The following GNL2 variants were observed in gnomAD, a reference collection of about 807,000 sequenced individuals.
GNL2 encodes G protein nucleolar 2.
A neutral mutation model predicts 92.3 loss-of-function variants in GNL2; 51 were observed. That is an observed-to-expected ratio of 0.55 (90% CI 0.44 to 0.70). The LOEUF (loss-of-function observed/expected upper bound fraction) is 0.70. GNL2 is among the 30% of genes least tolerant of loss of function. GNL2 has a pLI of 0.00. For synonymous variants in GNL2, 283 were observed against 300.6 expected (o/e 0.94, Z 0.61); for missense variants, 844 against 895.6 (o/e 0.94, Z 0.74).
chr1:37,580,168 C>T (rs2148135526), intron 8 of GNL2, among the ~76,000 whole-genome samples: 1 of 152,252 alleles, frequency 6.6e-6, no homozygotes, highest in South Asian at 2.1e-4. Flanking sequence ...GTGGCACACA[C>T]CTGTAATCCC....
At chr1:37,569,837 G>T in intron 12 of GNL2, 1 of 152,974 alleles carries the variant, frequency 6.5e-6, no homozygotes, top group Non-Finnish European at 1.5e-5. Context: ...GGAAGGACCG[G>T]GTGGGAGGTA....
At chr1:37,579,077 G>A (rs1025620099) in intron 8 of GNL2, among the ~76,000 whole-genome samples, 3 of 152,134 alleles carry the variant, frequency 2.0e-5, no homozygotes, top group African/African-American at 7.2e-5. Flanking sequence ...CAAAAATTTG[G>A]AGGTAACAGA....
In GNL2 at chr1:37,587,431, C is replaced by G. The variant is rs1276750725; in HGVS notation, c.449G>C (p.Arg150Thr). 6.2e-7 allele frequency: 1 copy of G among 1,613,382 alleles called. No homozygotes were observed. Among genetic ancestry groups the G allele is most frequent in the South Asian group, 1.1e-5 (1 of 91,022 alleles). Residue 150 changes from arginine to threonine, a missense_variant, in exon 5 of 16, where the codon AGG becomes ACG. Physicochemically the swap from Arg to Thr is moderately conservative, Grantham distance 71. Transcript: ENST00000373062. ...ACTTGCAAATAAGTTTGGTCGTTTC[C>G]TCTGTGACTTAGGGCCAAATGTAGT... ...FETTFGPKSQRKRPNLFASDM... is the reference protein window; with the variant it reads ...FETTFGPKSQTKRPNLFASDM...
chr1:37,573,880 T>C (rs1019510548), intron 12 of GNL2, among the ~76,000 whole-genome samples: 2 of 152,144 alleles, frequency 1.3e-5, no homozygotes, highest in Admixed American at 6.5e-5. Context: ...CCAACAGTGC[T>C]TCACCCTCAA....
rs747961592 is a variant in GNL2 at position 37,582,243 on chromosome 1, G to A, written c.889C>T (p.Leu297Phe). 6.2e-7 allele frequency: 1 copy of A among 1,611,422 alleles called. No individual in the cohort carries two copies. Among genetic ancestry groups the A allele is most frequent in the Non-Finnish European group, 8.5e-7 (1 of 1,178,294 alleles). ...AATACCTTTCCAAACTGCCGCAGAA[G>A]CTGAATGAATGCTCCCTTGCCAAAC... ...NPFGKGAFIQLLRQFGKLHTD... is the reference protein window; with the variant it reads ...NPFGKGAFIQFLRQFGKLHTD... Residue 297 changes from leucine (L) to phenylalanine (F), a missense_variant, in exon 8 of 16, where the codon CTT becomes TTT. Coordinates refer to ENST00000373062, the MANE Select transcript of GNL2 (RefSeq NM_013285.3).
chr1:37,574,201 T>C (rs1643639353), intron 12 of GNL2, 142 bp downstream of exon 12: 1 of 446,038 alleles, frequency 2.2e-6, no homozygotes, highest in Admixed American at 3.8e-5. Flanking sequence ...CCCAAAAATA[T>C]TTTTATATAT....
At position 37,587,926 on chromosome 1, in the gene GNL2, T is replaced by C. The variant is rs548280631; in HGVS notation, c.385-431A>G. ...AATTCATAGATTTTGTCAAGGACAA[T>C]CATACTCAAATTTGTGAGTTTTTTT... is the stretch of plus-strand genomic sequence containing the variant. On this transcript the variant is annotated intron_variant, in intron 4 of 15. Transcript: ENST00000373062. Among the ~76,000 whole-genome samples, 26 of 152,296 alleles carry C rather than the reference T, an allele frequency of 1.7e-4. No individual in the cohort carries two copies. In the South Asian group the frequency reaches 3.3e-3, roughly 19 times the overall value.
chr1:37,571,393 C>T (rs142917747), intron 12 of GNL2, among the ~76,000 whole-genome samples: 21 of 152,298 alleles, frequency 1.4e-4, no homozygotes, highest in African/African-American at 5.1e-4. Flanking sequence ...AGATCTCTGA[C>T]ATTAGAATCA....
intron 7 of GNL2, 95 bp from the exon 8 acceptor site, chr1:37,582,431 T>C (rs1643785517): frequency 1.4e-6 from 1 of 706,868 alleles, no homozygotes; most frequent in African/African-American, 1.8e-5. Flanking sequence ...CTGTTTCAAA[T>C]ATACTGTTGT....
intron 12 of GNL2, among the ~76,000 whole-genome samples, chr1:37,573,491 C>A (rs1012740987): frequency 6.6e-6 from 1 of 152,234 alleles, no homozygotes; most frequent in Non-Finnish European, 1.5e-5. Flanking sequence ...CTGGCCCCAG[C>A]CTTCAGTCTT....
At chr1:37,581,669 C>G (rs1271478989) in intron 8 of GNL2, 4 of 362,890 alleles carry the variant, frequency 1.1e-5, no homozygotes, top group Non-Finnish European at 2.2e-5. Context: ...GTTTTTACAT[C>G]TTCTTCTTCT....
intron 6 of GNL2, 100 bp downstream of exon 6, chr1:37,583,767 C>T (rs1643808741): frequency 6.6e-6 from 5 of 761,902 alleles, no homozygotes; most frequent in South Asian, 3.0e-5. Flanking sequence ...GGTGCCTGTA[C>T]TCTGCGCAAC....
chr1:37,582,206 A>C lies in GNL2; in HGVS notation c.909+17T>G, dbSNP rs753536648. 1 of 1,509,822 alleles carries C rather than the reference A, an allele frequency of 6.6e-7. No individual in the cohort carries two copies. The highest frequency in any genetic ancestry group is 9.1e-7 in the Non-Finnish European group (1 of 1,095,452). 93.5% of individuals were successfully genotyped at this position (1,509,822 alleles called of 1,614,324 possible). ...ACAGCTACACAACTCCAGGAGAAACAGATCAGGGCTCAATACCTTTCCAAA... is the reference window on the plus strand; with the variant it reads ...ACAGCTACACAACTCCAGGAGAAACCGATCAGGGCTCAATACCTTTCCAAA... On this transcript the variant is annotated intron_variant, in intron 8 of 15. Transcript: ENST00000373062.
intron 4 of GNL2, among the ~76,000 whole-genome samples, chr1:37,589,118 G>A (rs1408758491): frequency 3.9e-5 from 6 of 152,226 alleles, no homozygotes; most frequent in African/African-American, 1.4e-4. Flanking sequence ...CAAGGGAAAT[G>A]AGCAACTTGT....
intron 4 of GNL2, among the ~76,000 whole-genome samples, chr1:37,589,093 AACAG>A (rs1489486810): frequency 6.6e-6 from 1 of 152,218 alleles, no homozygotes; most frequent in African/African-American, 2.4e-5. Context: ...CTTTAGGGAG[AACAG>A]ACAAAGAGAA....
Position 37,587,344 on chromosome 1 carries a change from T to C in GNL2, c.536A>G (p.Asp179Gly). ...AGTGTCTTCAGTTACCAAATCACGA[T>C]CCTTGCCCTGGTCATAGCTCTCAGT... The part of the protein sequence containing the change: ...MSTESYDQGK[D>G]RDLVTEDTGV... Residue 179 changes from aspartate to glycine, a missense_variant, in exon 5 of 16, where the codon GAT becomes GGT. Physicochemically the swap from Asp to Gly is moderately conservative, Grantham distance 94. Transcript: ENST00000373062. 11 of 1,610,394 alleles carry C rather than the reference T, an allele frequency of 6.8e-6. No individual in the cohort carries two copies. The highest frequency in any genetic ancestry group is 9.3e-6 in the Non-Finnish European group (11 of 1,178,226).
chr1:37,593,168 G>A (rs79030310), intron 2 of GNL2, among the ~76,000 whole-genome samples: 29 of 152,198 alleles, frequency 1.9e-4, no homozygotes, highest in African/African-American at 6.5e-4. Context: ...GATTTACGCC[G>A]GAATTCCAAA....
Position 37,593,745 on chromosome 1 carries a change from C to G in GNL2, c.149+17G>C. ...GCATGAAGGAAAAGAGAAAGGATGA[C>G]AGCACCCAGTGCTCACCTGCGCTCC... is the stretch of plus-strand genomic sequence containing the variant. On this transcript the variant is annotated intron_variant, in intron 2 of 15. Coordinates refer to ENST00000373062, the MANE Select transcript of GNL2 (RefSeq NM_013285.3). 1 of 1,577,918 alleles carries G rather than the reference C, an allele frequency of 6.3e-7. No individual in the cohort carries two copies. The highest frequency in any genetic ancestry group is 8.7e-7 in the Non-Finnish European group (1 of 1,147,448).
chr1:37,592,057 A>G (rs540582088), intron 3 of GNL2, among the ~76,000 whole-genome samples: 3 of 152,344 alleles, frequency 2.0e-5, no homozygotes, highest in South Asian at 4.1e-4. Context: ...CACTGAAAGT[A>G]TAAGAGACTC....
Sources: gnomAD v4.1 joint callset for allele counts (sites outside exome capture counted in the v4.1 genomes callset) on GRCh38, gnomAD v4.1.1 for gene constraint, MANE v1.5 for transcripts, NCBI Gene and HGNC (gene_info 2026-07-23, HGNC 2026-07-21) for gene names.